Variants in SERGEF observed in about 807,000 individuals in gnomAD.
SERGEF encodes the protein secretion-regulating guanine nucleotide exchange factor.
Under a neutral mutation model 50.0 loss-of-function variants are expected in SERGEF, and 51 were observed. The observed-to-expected ratio is 1.02, with a 90% CI of 0.81 to 1.29. SERGEF has a LOEUF of 1.29. SERGEF is among the 50% of genes most tolerant of loss of function. The pLI is 0.00. For missense variants in SERGEF, 521 were observed against 557.0 expected, an observed-to-expected ratio of 0.94 and a Z score of 0.65; for synonymous variants, 205 against 212.4, an observed-to-expected ratio of 0.97 and a Z score of 0.30.
chr11:17,932,904 C>T (rs1852382135), intron 9 of SERGEF, among the ~76,000 whole-genome samples: 1 of 152,020 alleles, frequency 6.6e-6, no homozygotes, highest in South Asian at 2.1e-4. Flanking sequence ...AATGCATGGA[C>T]AATCATGTAA....
chr11:17,960,994 C>T (rs1000090621), intron 8 of SERGEF, among the ~76,000 whole-genome samples: 3 of 152,178 alleles, frequency 2.0e-5, no homozygotes, highest in Non-Finnish European at 1.5e-5. Context: ...ATGGCTCCAC[C>T]GTTGGAGTCC....
At chr11:17,983,840 A>T (rs1188722235) in intron 8 of SERGEF, among the ~76,000 whole-genome samples, 1 of 151,458 alleles carries the variant, frequency 6.6e-6, no homozygotes, top group Non-Finnish European at 1.5e-5. Flanking sequence ...AAAAAAAAAA[A>T]GGATTTAGCT....
In SERGEF at chr11:17,788,143, C is replaced by T. The variant is rs978219569; in HGVS notation, c.1319G>A (p.Arg440Lys). The T allele has an allele frequency of 5.1e-6, 8 of 1,580,028 alleles. No homozygotes were observed. The African/African-American group carries it at 6.7e-5, about 13-fold the overall frequency. The change falls in exon 11 of 11, where the codon AGA (arginine) becomes AAA (lysine). Residue 440 changes from arginine to lysine, a missense_variant. Arg to Lys is a conservative substitution (Grantham distance 26). Transcript: ENST00000265965. ...AMDKERNWKE[R>K]QSETSTQSQS... is the part of the protein sequence containing the mutation. ...GCTTTGGGTTGAAGTTTCTGATTGT[C>T]TTTCCTTCCAGTTTCTCTCTTTGTC...
At chr11:17,830,601 GGAGAGAGA>G (rs71962769) in intron 10 of SERGEF, among the ~76,000 whole-genome samples, 8 of 90,924 alleles carry the variant, frequency 8.8e-5, no homozygotes, top group African/African-American at 2.7e-4. Context: ...GGAGAGAGGT[GGAGAGAGA>G]GAGAGAGAGA....
At chr11:17,992,521 A>C (rs1853736770) in intron 7 of SERGEF, among the ~76,000 whole-genome samples, 1 of 152,210 alleles carries the variant, frequency 6.6e-6, no homozygotes, top group Non-Finnish European at 1.5e-5. Flanking sequence ...ATATCAGAAA[A>C]CTACAAAGAA....
chr11:17,874,185 T>G (rs1489502027), intron 10 of SERGEF: 6 of 152,248 alleles, frequency 3.9e-5, no homozygotes, highest in African/African-American at 1.4e-4. Context: ...GGAGCACCTA[T>G]GACATGGCGG....
chr11:17,817,293 C>T (rs533001915), intron 10 of SERGEF, among the ~76,000 whole-genome samples: 17 of 151,210 alleles, frequency 1.1e-4, no homozygotes, highest in Non-Finnish European at 2.1e-4. Flanking sequence ...TGGCTCACTG[C>T]AAGTTCCGCC....
At chr11:17,845,543 G>A (rs1040848801) in intron 10 of SERGEF, among the ~76,000 whole-genome samples, 8 of 152,154 alleles carry the variant, frequency 5.3e-5, no homozygotes, top group African/African-American at 1.9e-4. Flanking sequence ...TGATATACTA[G>A]GCAAGACACA....
At chr11:17,840,928 T>C (rs1208646385) in intron 10 of SERGEF, among the ~76,000 whole-genome samples, 1 of 152,226 alleles carries the variant, frequency 6.6e-6, no homozygotes, top group Non-Finnish European at 1.5e-5. Flanking sequence ...AGCACACATG[T>C]CAAACACAAA....
intron 1 of SERGEF, among the ~76,000 whole-genome samples, chr11:18,011,190 C>T (rs1256293084): frequency 6.6e-6 from 1 of 151,712 alleles, no homozygotes; most frequent in African/African-American, 2.4e-5. Context: ...AAATCCCCTT[C>T]CTGTGAACCG....
intron 9 of SERGEF, chr11:17,918,806 G>A (rs560860033): frequency 2.5e-5 from 10 of 403,236 alleles, no homozygotes; most frequent in Admixed American, 2.0e-4. Context: ...ATATGGATTA[G>A]GCAAAAAGCA....
At chr11:17,800,527 G>A (rs185654647) in intron 10 of SERGEF, among the ~76,000 whole-genome samples, 145 of 152,314 alleles carry the variant, frequency 9.5e-4, no homozygotes, top group Admixed American at 5.8e-3. Context: ...TAATATTCAA[G>A]CAGTTGCAGA....
chr11:17,835,709 C>T (rs1394640384), intron 10 of SERGEF, among the ~76,000 whole-genome samples: 1 of 152,198 alleles, frequency 6.6e-6, no homozygotes, highest in Non-Finnish European at 1.5e-5. Flanking sequence ...AATCCCCAGT[C>T]AGGAAGACAA....
chr11:17,955,572 CAAT>C (rs1367998387), intron 9 of SERGEF, among the ~76,000 whole-genome samples: 1 of 152,168 alleles, frequency 6.6e-6, no homozygotes, highest in African/African-American at 2.4e-5. Flanking sequence ...CAGTCCTAGG[CAAT>C]AAGGGCACAG....
chr11:17,813,370 G>A (rs546068726), intron 10 of SERGEF, among the ~76,000 whole-genome samples: 1 of 152,332 alleles, frequency 6.6e-6, no homozygotes, highest in Admixed American at 6.5e-5. Flanking sequence ...TGGGGAGACA[G>A]TGGCAAAGCA....
intron 9 of SERGEF, among the ~76,000 whole-genome samples, chr11:17,882,431 A>G (rs868602306): frequency 1.2e-4 from 18 of 151,424 alleles, no homozygotes; most frequent in South Asian, 4.2e-4. Flanking sequence ...AAAAAAAAAA[A>G]AAAAAGAAAA....
At chr11:17,870,066 G>A (rs1304571396) in intron 10 of SERGEF, among the ~76,000 whole-genome samples, 1 of 152,180 alleles carries the variant, frequency 6.6e-6, no homozygotes, top group Non-Finnish European at 1.5e-5. Context: ...ATTCTCATGA[G>A]ATCTGATGGT....
chr11:17,944,189 A>G (rs1287918746), intron 9 of SERGEF, among the ~76,000 whole-genome samples: 1 of 152,150 alleles, frequency 6.6e-6, no homozygotes, highest in African/African-American at 2.4e-5. Context: ...GGCCTCCCAA[A>G]GTGCTGGGAT....
At chr11:17,851,457 C>T (rs1208601800) in intron 10 of SERGEF, among the ~76,000 whole-genome samples, 3 of 152,078 alleles carry the variant, frequency 2.0e-5, no homozygotes, top group Non-Finnish European at 2.9e-5. Context: ...TTCTGTAAGA[C>T]ACATGAGTAC....
Sources: gnomAD v4.1 joint callset for allele counts (sites outside exome capture counted in the v4.1 genomes callset) on GRCh38, gnomAD v4.1.1 for gene constraint, MANE v1.5 for transcripts, NCBI Gene and HGNC (gene_info 2026-07-23, HGNC 2026-07-21) for gene names.